Variants in ZMAT4 observed in about 807,000 individuals in gnomAD.
The protein encoded by ZMAT4 is zinc finger matrin-type 4.
In ZMAT4, 17 loss-of-function variants were observed where a neutral mutation model predicts 28.7. The observed-to-expected ratio is 0.59, with a 90% CI of 0.41 to 0.89. The LOEUF is 0.89. ZMAT4 is among the 40% of genes least tolerant of loss of function. The pLI is 0.00. For synonymous variants in ZMAT4, 117 were observed against 109.2 expected, an observed-to-expected ratio of 1.07 and a Z score of -0.44; for missense variants, 240 against 283.8, an observed-to-expected ratio of 0.85 and a Z score of 1.11.
intron 1 of ZMAT4, among the ~76,000 whole-genome samples, chr8:40,871,912 T>C (rs1451352412): frequency 3.3e-5 from 5 of 152,256 alleles, no homozygotes; most frequent in African/African-American, 1.2e-4. Context: ...ATACTGGTTT[T>C]TCAGCTCAGA....
chr8:40,820,582 G>C (rs1815734969), intron 2 of ZMAT4, among the ~76,000 whole-genome samples: 2 of 127,798 alleles, frequency 1.6e-5, no homozygotes, highest in African/African-American at 5.8e-5. Context: ...TGGTGTTTAT[G>C]TGTGTATCTG....
chr8:40,553,301 G>T (rs1461631836), intron 6 of ZMAT4, among the ~76,000 whole-genome samples: 1 of 152,126 alleles, frequency 6.6e-6, no homozygotes, highest in Non-Finnish European at 1.5e-5. Flanking sequence ...GTAACTATGA[G>T]GCAATAAATA....
intron 3 of ZMAT4, among the ~76,000 whole-genome samples, chr8:40,712,519 C>T (rs548606075): frequency 4.6e-5 from 7 of 152,314 alleles, no homozygotes; most frequent in South Asian, 2.1e-4. Context: ...CACATTGTTT[C>T]GCCATCTTTC....
At chr8:40,828,791 G>C (rs909969580) in intron 1 of ZMAT4, among the ~76,000 whole-genome samples, 3 of 152,062 alleles carry the variant, frequency 2.0e-5, no homozygotes, top group African/African-American at 7.2e-5. Context: ...AGAGAGCGCA[G>C]TCCATGTAGG....
intron 1 of ZMAT4, among the ~76,000 whole-genome samples, chr8:40,862,103 A>C (rs891357737): frequency 1.3e-5 from 2 of 152,196 alleles, no homozygotes; most frequent in African/African-American, 4.8e-5. Context: ...TCATGCTGCT[A>C]TAAAGACACA....
At chr8:40,738,447 G>A (rs924481641) in intron 3 of ZMAT4, among the ~76,000 whole-genome samples, 1 of 152,154 alleles carries the variant, frequency 6.6e-6, no homozygotes, top group Admixed American at 6.6e-5. Flanking sequence ...GGATCAAAGA[G>A]CATAAAGGCT....
chr8:40,810,542 T>C (rs922101306), intron 2 of ZMAT4, among the ~76,000 whole-genome samples: 2 of 152,178 alleles, frequency 1.3e-5, no homozygotes, highest in African/African-American at 2.4e-5. Context: ...TCAAAATGGA[T>C]TTCTACCTTA....
chr8:40,719,043 G>A (rs772541300), intron 3 of ZMAT4, among the ~76,000 whole-genome samples: 4 of 152,240 alleles, frequency 2.6e-5, no homozygotes, highest in Non-Finnish European at 5.9e-5. Flanking sequence ...GATGAGAACC[G>A]GATGGGGCCT....
intron 3 of ZMAT4, among the ~76,000 whole-genome samples, chr8:40,710,874 G>T (rs1046357990): frequency 2.6e-5 from 4 of 151,730 alleles, no homozygotes; most frequent in Admixed American, 2.6e-4. Context: ...TCCACCTCCC[G>T]GGTTCAAGCG....
At position 40,772,168 on chromosome 8, in the gene ZMAT4, C is replaced by T. The variant is rs146266363; in HGVS notation, c.103-4438G>A. ...CTCATTTATTTCATTCAAACCACAT[C>T]AACTTTAAGCTTCCCAGATCAACCA... is the stretch of plus-strand genomic sequence containing the variant. On this transcript the variant is annotated intron_variant, in intron 2 of 6. Transcript: ENST00000297737. Among the ~76,000 whole-genome samples the T allele has an allele frequency of 8.0e-3, 1,219 of 152,300 alleles. 6 individuals are homozygous for T. The highest frequency in any genetic ancestry group is 0.02 in the Middle Eastern group (6 of 294).
intron 5 of ZMAT4, among the ~76,000 whole-genome samples, chr8:40,652,724 A>G (rs1807731569): frequency 9.1e-6 from 1 of 110,230 alleles, no homozygotes; most frequent in African/African-American, 2.9e-5. Context: ...AAAATGTAGC[A>G]CATATACACC....
intron 5 of ZMAT4, among the ~76,000 whole-genome samples, chr8:40,637,495 C>T (rs1806839798): frequency 6.6e-6 from 1 of 152,142 alleles, no homozygotes; most frequent in African/African-American, 2.4e-5. Flanking sequence ...AGTTGTGCAC[C>T]TACCACTCCT....
chr8:40,846,814 T>C (rs551554869), intron 1 of ZMAT4, among the ~76,000 whole-genome samples: 11 of 152,216 alleles, frequency 7.2e-5, no homozygotes, highest in Non-Finnish European at 1.6e-4. Context: ...CAGGAGGAGT[T>C]CAGGTAGGTC....
At chr8:40,723,096 GA>G (rs1015109867) in intron 3 of ZMAT4, among the ~76,000 whole-genome samples, 3 of 152,152 alleles carry the variant, frequency 2.0e-5, no homozygotes, top group Non-Finnish European at 4.4e-5. Context: ...TTAAAAGTGA[GA>G]AACTAACCAG....
At chr8:40,678,575 C>T (rs573263829) in intron 4 of ZMAT4, among the ~76,000 whole-genome samples, 1 of 152,334 alleles carries the variant, frequency 6.6e-6, no homozygotes, top group South Asian at 2.1e-4. Flanking sequence ...TCTCCCTCCT[C>T]TAAGCTTATA....
intron 5 of ZMAT4, among the ~76,000 whole-genome samples, chr8:40,649,073 A>T (rs939057303): frequency 4.0e-5 from 6 of 151,200 alleles, no homozygotes; most frequent in African/African-American, 1.5e-4. Context: ...CATATATAAC[A>T]ATATTAACTT....
chr8:40,590,647 GAGA>G (rs773513577), intron 5 of ZMAT4, among the ~76,000 whole-genome samples: 15 of 152,022 alleles, frequency 9.9e-5, no homozygotes, highest in Non-Finnish European at 1.9e-4. Flanking sequence ...GTGCAAAGTA[GAGA>G]AGGACAGTCA....
intron 1 of ZMAT4, among the ~76,000 whole-genome samples, chr8:40,837,927 C>T (rs1343673593): frequency 1.3e-5 from 2 of 152,222 alleles, no homozygotes. Context: ...GACCCATGCT[C>T]CTCACCCCTG....
intron 3 of ZMAT4, among the ~76,000 whole-genome samples, chr8:40,707,848 A>C (rs1810429414): frequency 6.6e-6 from 1 of 152,160 alleles, no homozygotes. Flanking sequence ...TTTTGTTCAT[A>C]GCTATATCCT....
Sources: allele counts gnomAD v4.1 joint callset (sites outside exome capture counted in the v4.1 genomes callset), GRCh38; gene constraint gnomAD v4.1.1; transcripts MANE v1.5; gene names NCBI Gene and HGNC (gene_info 2026-07-23, HGNC 2026-07-21).